KCNIP3: variants seen among roughly 807,000 people sequenced by gnomAD.
The protein encoded by KCNIP3 is potassium voltage-gated channel interacting protein 3, also known as calsenilin.
In KCNIP3, 28 loss-of-function variants were observed where a neutral mutation model predicts 35.0. That is an observed-to-expected ratio of 0.80 (90% confidence interval 0.59 to 1.10). The LOEUF (loss-of-function observed/expected upper bound fraction) is 1.10. Among genes scored for constraint, KCNIP3 ranks in the 50% least tolerant of loss-of-function variants. The pLI is 0.00. For synonymous variants in KCNIP3, 134 were observed against 133.8 expected (o/e 1.00, Z -0.01); for missense variants, 295 against 338.4 (o/e 0.87, Z 1.01).
intron 2 of KCNIP3, among the ~76,000 whole-genome samples, chr2:95,331,499 C>G (rs1274631775): frequency 6.6e-6 from 1 of 152,102 alleles, no homozygotes; most frequent in Non-Finnish European, 1.5e-5. Flanking sequence ...GGGTCATCAG[C>G]ACATAGACGG....
intron 2 of KCNIP3, among the ~76,000 whole-genome samples, chr2:95,370,826 C>T (rs985168480): frequency 5.3e-5 from 8 of 151,786 alleles, no homozygotes; most frequent in African/African-American, 1.9e-4. Flanking sequence ...GTGGTGTGAT[C>T]TCTGCTCACT....
intron 2 of KCNIP3, among the ~76,000 whole-genome samples, chr2:95,360,913 A>G (rs1278409729): frequency 6.6e-6 from 1 of 152,210 alleles, no homozygotes; most frequent in Non-Finnish European, 1.5e-5. Flanking sequence ...TTTCAACATG[A>G]GTTTTGGAGG....
At chr2:95,358,436 A>G (rs1679711418) in intron 2 of KCNIP3, among the ~76,000 whole-genome samples, 1 of 152,234 alleles carries the variant, frequency 6.6e-6, no homozygotes, top group African/African-American at 2.4e-5. Context: ...CTGCTGTACA[A>G]CTTTTAAACA....
intron 3 of KCNIP3, 57 bp downstream of exon 3, chr2:95,374,477 T>C: frequency 6.3e-7 from 1 of 1,586,986 alleles, no homozygotes; most frequent in East Asian, 2.3e-5. Flanking sequence ...CAGGGAGACC[T>C]GGAAACTTCT....
rs534850703 is a variant in KCNIP3 at position 95,304,240 on chromosome 2, A to G, written c.16-6115A>G. On this transcript the variant is annotated intron_variant, in intron 1 of 8. Transcript: ENST00000295225. ...TTTCTTATTATTTTTCTTTAAATTA[A>G]CTCATGCATTGAATTTTAGTGAATT... Among the ~76,000 whole-genome samples the G allele has an allele frequency of 3.3e-5, 5 of 152,316 alleles. No individual in the cohort carries two copies. The East Asian group carries it at 9.6e-4, about 29-fold the overall frequency.
intron 2 of KCNIP3, among the ~76,000 whole-genome samples, chr2:95,359,935 C>T (rs1679749431): frequency 6.6e-6 from 1 of 152,230 alleles, no homozygotes; most frequent in African/African-American, 2.4e-5. Context: ...GGCCCATCCC[C>T]TAAAACCATT....
intron 2 of KCNIP3, among the ~76,000 whole-genome samples, chr2:95,342,290 A>G (rs1321921163): frequency 2.0e-5 from 3 of 152,218 alleles, no homozygotes; most frequent in Non-Finnish European, 2.9e-5. Flanking sequence ...TAAGCAAAGC[A>G]TTAACCACTC....
chr2:95,383,120 C>CCCCAACCCCCCCCCCCCCCAA, intron 7 of KCNIP3, 112 bp from the exon 8 acceptor site: 1 of 402,234 alleles, frequency 2.5e-6, no homozygotes, highest in Non-Finnish European at 4.7e-6. Flanking sequence ...AGCCCACCCG[C>CCCCAACCCCCCCCCCCCCCAA]CCATCCACCC....
At chr2:95,337,893 C>T (rs1679098150) in intron 2 of KCNIP3, among the ~76,000 whole-genome samples, 1 of 152,184 alleles carries the variant, frequency 6.6e-6, no homozygotes. Context: ...GGCAGCTAGG[C>T]TGGGGGTGCT....
intron 2 of KCNIP3, among the ~76,000 whole-genome samples, chr2:95,343,605 G>A (rs1463171990): frequency 1.3e-5 from 2 of 152,146 alleles, no homozygotes; most frequent in Non-Finnish European, 2.9e-5. Context: ...CAGTTAGCAT[G>A]GGACATCCAG....
intron 8 of KCNIP3, among the ~76,000 whole-genome samples, chr2:95,383,518 C>A (rs1276298877): frequency 6.6e-6 from 1 of 152,130 alleles, no homozygotes; most frequent in Non-Finnish European, 1.5e-5. Flanking sequence ...CAGCATCCCC[C>A]CACTACCCCC....
At chr2:95,316,028 C>G (rs998363471) in intron 2 of KCNIP3, among the ~76,000 whole-genome samples, 1 of 152,238 alleles carries the variant, frequency 6.6e-6, no homozygotes, top group Non-Finnish European at 1.5e-5. Flanking sequence ...GTCTCTCTCA[C>G]CATCAGGCGC....
intron 2 of KCNIP3, among the ~76,000 whole-genome samples, chr2:95,370,614 T>C (rs1242644390): frequency 2.6e-5 from 4 of 152,240 alleles, no homozygotes; most frequent in Admixed American, 6.5e-5. Context: ...ATTAGTCTTA[T>C]GCTGATTTGT....
In KCNIP3 at chr2:95,378,289, A is replaced by G. The variant is rs1053543802; in HGVS notation, c.447+3081A>G. 1.1e-4 allele frequency among the ~76,000 whole-genome samples: 16 copies of G among 151,822 alleles called. No homozygotes were observed. The highest frequency in any genetic ancestry group is 3.1e-4 in the African/African-American group (13 of 41,338). ...GGGTGCATGCCACCATGCCCAGCTA[A>G]TTTTTTTATTTTAATTGTTGTAGAT... On this transcript the variant is annotated intron_variant, in intron 5 of 8. Coordinates refer to ENST00000295225, the MANE Select transcript of KCNIP3 (RefSeq NM_013434.5). The surrounding 1 kb of genome is among the most constrained non-coding windows in gnomAD (Gnocchi z 4.0).
chr2:95,369,322 T>C (rs1196719177), intron 2 of KCNIP3, among the ~76,000 whole-genome samples: 13 of 152,226 alleles, frequency 8.5e-5, no homozygotes, highest in Non-Finnish European at 1.9e-4. Context: ...CTTGGTGTGG[T>C]GTATTATTCT....
At chr2:95,339,697 C>A (rs1219607508) in intron 2 of KCNIP3, among the ~76,000 whole-genome samples, 1 of 152,182 alleles carries the variant, frequency 6.6e-6, no homozygotes, top group African/African-American at 2.4e-5. Context: ...GGTCCAAAAG[C>A]AATTGGCTTT....
At chr2:95,320,139 G>A (rs1239917607) in intron 2 of KCNIP3, among the ~76,000 whole-genome samples, 27 of 152,156 alleles carry the variant, frequency 1.8e-4, no homozygotes, top group Admixed American at 1.6e-3. Context: ...ACCCGGAGGC[G>A]CGGCTGAGAA....
chr2:95,347,827 C>T (rs1160308142), intron 2 of KCNIP3, among the ~76,000 whole-genome samples: 1 of 152,214 alleles, frequency 6.6e-6, no homozygotes, highest in East Asian at 1.9e-4. Flanking sequence ...TGTTCTCGTC[C>T]CTGTTGCCCT....
At chr2:95,338,071 A>T (rs1196619432) in intron 2 of KCNIP3, among the ~76,000 whole-genome samples, 1 of 152,206 alleles carries the variant, frequency 6.6e-6, no homozygotes, top group Non-Finnish European at 1.5e-5. Flanking sequence ...AGGAGCAGGC[A>T]GACACCAGGC....
Sources: allele counts gnomAD v4.1 joint callset (sites outside exome capture counted in the v4.1 genomes callset), GRCh38; gene constraint gnomAD v4.1.1; non-coding constraint Gnocchi (gnomAD v3.1); transcripts MANE v1.5; gene names NCBI Gene and HGNC (gene_info 2026-07-23, HGNC 2026-07-21).